ZNF224: variants seen among roughly 807,000 people sequenced by gnomAD.
The protein encoded by ZNF224 is zinc finger protein 224.
ZNF224 carries 8 observed loss-of-function variants against 10.5 expected under a neutral mutation model. The ratio of observed to expected loss-of-function variants is 0.76; its 90% confidence interval spans 0.45 to 1.37. ZNF224 has a LOEUF of 1.37. ZNF224 is among the 40% of genes most tolerant of loss of function. The pLI is 0.00. For synonymous variants in ZNF224, 282 were observed against 287.8 expected (o/e 0.98, Z 0.20); for missense variants, 754 against 854.0 (o/e 0.88, Z 1.46).
rs183116442 is a variant in ZNF224, at chr19:44,107,626, G to A, written c.1466G>A (p.Cys489Tyr). Residue 489 changes from cysteine (C) to tyrosine (Y), a missense_variant, in exon 6 of 6, where the codon TGT becomes TAT. By Grantham distance (194) the Cys-to-Tyr change is radical. Coordinates refer to ENST00000693561, the MANE Select transcript of ZNF224 (RefSeq NM_001321645.3). Reference sequence around the variant, plus strand: ...GAAAAACCATTCCAATGTGAAGAGTGTGGGAAGAGATTTACTCAAAATTCA... The same window carrying A: ...GAAAAACCATTCCAATGTGAAGAGTATGGGAAGAGATTTACTCAAAATTCA... ...SGEKPFQCEE[C>Y]GKRFTQNSHL... 9 of 1,613,962 alleles carry A rather than the reference G, an allele frequency of 5.6e-6. No homozygotes were observed. Among genetic ancestry groups the A allele is most frequent in the East Asian group, 4.5e-5 (2 of 44,902 alleles).
intron 3 of ZNF224, among the ~76,000 whole-genome samples, chr19:44,098,299 A>G (rs1967482021): frequency 6.6e-6 from 1 of 152,190 alleles, no homozygotes; most frequent in African/African-American, 2.4e-5. Context: ...CATTTAATCG[A>G]TGTTCCTTTT....
intron 5 of ZNF224, among the ~76,000 whole-genome samples, chr19:44,104,722 C>A (rs577304834): frequency 6.6e-6 from 1 of 151,604 alleles, no homozygotes; most frequent in African/African-American, 2.4e-5. Flanking sequence ...AGTGCAGTGG[C>A]GCAATCTCAG....
intron 2 of ZNF224, among the ~76,000 whole-genome samples, chr19:44,097,390 C>T (rs1272709783): frequency 6.6e-6 from 1 of 152,176 alleles, no homozygotes; most frequent in Non-Finnish European, 1.5e-5. Flanking sequence ...TGATTTCCTC[C>T]TGCCTACTTA....
Position 44,106,880 on chromosome 19 carries a change from C to T in ZNF224, c.720C>T (p.Gly240=), listed in dbSNP as rs564513130. The change falls in exon 6 of 6, where the codon GGC becomes GGT. Residue 240 remains glycine (G), a synonymous_variant. Transcript: ENST00000693561. ...KPFKCVECGK[G]FSRRSALNVH... is the part of the protein sequence containing the mutation. Reference sequence around the variant, plus strand: ...TCAAATGTGTGGAATGTGGGAAAGGCTTCAGTCGTAGATCAGCACTTAATG... The same window carrying T: ...TCAAATGTGTGGAATGTGGGAAAGGTTTCAGTCGTAGATCAGCACTTAATG... 3 of 1,610,012 alleles carry T rather than the reference C, an allele frequency of 1.9e-6. No individual in the cohort carries two copies. In the Admixed American group the frequency reaches 5.0e-5, roughly 27 times the overall value.
rs1350401900 is a variant in ZNF224, at chr19:44,106,641, T to G, written c.481T>G (p.Ser161Ala). ...NGYKPSFSDV[S>A]HFDFHQQLHS... ...ATATAAACCATCCTTCAGTGATGTC[T>G]CCCACTTTGATTTTCATCAACAATT... Residue 161 changes from serine (S) to alanine (A), a missense_variant, in exon 6 of 6, where the codon TCC (serine) becomes GCC (alanine). Transcript: ENST00000693561. 3.1e-6 allele frequency: 5 copies of G among 1,595,800 alleles called. No individual in the cohort carries two copies. Among genetic ancestry groups the G allele is most frequent in the Middle Eastern group, 1.7e-4 (1 of 5,986 alleles).
intron 2 of ZNF224, among the ~76,000 whole-genome samples, chr19:44,097,384 T>C (rs10410306): frequency 0.75 from 113,619 of 152,106 alleles, 43,824 homozygotes; most frequent in Non-Finnish European, 0.87. Flanking sequence ...TCATATTGAT[T>C]TCCTCCTGCC....
chr19:44,106,032 G>A, intron 5 of ZNF224: 1 of 205,920 alleles, frequency 4.9e-6, no homozygotes, highest in South Asian at 8.4e-5. Flanking sequence ...GTAGATAGTA[G>A]TGGGATTGCT....
In ZNF224 at chr19:44,108,413, T is replaced by C. The variant is rs562997699; in HGVS notation, c.*129T>C. On this transcript the variant is annotated 3_prime_UTR_variant, in exon 6 of 6. Transcript: ENST00000693561. The stretch of plus-strand genomic sequence containing the variant: ...CACTTCCCTTTGAGTATTTTATCTC[T>C]GAATCCATGCTGGTGATAAATTTCA... 2.6e-5 allele frequency: 25 copies of C among 958,748 alleles called. No homozygotes were observed. In the African/African-American group the frequency reaches 3.8e-4, roughly 14 times the overall value. The allele number at this position is 958,748 out of a possible 1,614,324, so 59.4% of individuals were successfully genotyped here. A position where few individuals can be genotyped will look rare whatever the true frequency, so the allele number is the denominator to read the frequency against.
intron 5 of ZNF224, among the ~76,000 whole-genome samples, chr19:44,104,369 T>C (rs1404156329): frequency 2.0e-5 from 3 of 152,228 alleles, no homozygotes; most frequent in African/African-American, 4.8e-5. Context: ...AGAAGATCGC[T>C]CTCACTTCAC....
At chr19:44,101,027 TG>T in intron 4 of ZNF224, 100 bp downstream of exon 4, 1 of 1,604,668 alleles carries the variant, frequency 6.2e-7, no homozygotes, top group Non-Finnish European at 8.5e-7. Context: ...CTTGAACCTA[TG>T]GTTCAAGTTT....
In ZNF224 at chr19:44,101,218, G is replaced by A; in HGVS notation, c.228G>A (p.Gly76=). 1 of 1,613,950 alleles carries A rather than the reference G, an allele frequency of 6.2e-7. No individual in the cohort carries two copies. The highest frequency in any genetic ancestry group is 1.1e-5 in the South Asian group (1 of 91,054). The change falls in exon 5 of 6, where the codon GGG becomes GGA. Residue 76 remains glycine, a synonymous_variant. Transcript: ENST00000693561. ...TGAAGACAGCAATCCAAAGGGAAGG[G>A]AATTCAGGTAAGAATCAAGCAACTG... ...WMMKTAIQRE[G]NSGDKIQTEM...
Position 44,106,942 on chromosome 19 carries a change from A to C in ZNF224, c.782A>C (p.Asn261Thr). ...HKLHTGEKPY[N>T]CEECGKAFIH... ...TTACACACAGGAGAGAAACCTTATA[A>C]TTGTGAGGAATGCGGGAAGGCCTTC... The change falls in exon 6 of 6, where the codon AAT becomes ACT. Residue 261 changes from asparagine to threonine, a missense_variant. Coordinates refer to ENST00000693561, the MANE Select transcript of ZNF224 (RefSeq NM_001321645.3). 1 of 1,609,800 alleles carries C rather than the reference A, an allele frequency of 6.2e-7. No individual in the cohort carries two copies. Among genetic ancestry groups the C allele is most frequent in the South Asian group, 1.1e-5 (1 of 90,586 alleles).
rs1326888243 is a variant in ZNF224, at chr19:44,106,729, C to G, written c.569C>G (p.Ala190Gly). The G allele has an allele frequency of 6.2e-7, 1 of 1,609,256 alleles. No individual in the cohort carries two copies. Among genetic ancestry groups the G allele is most frequent in the East Asian group, 2.2e-5 (1 of 44,886 alleles). The change falls in exon 6 of 6, where the codon GCC (alanine) becomes GGC (glycine). Residue 190 changes from alanine (A) to glycine (G), a missense_variant. Ala to Gly is a moderately conservative substitution (Grantham distance 60, BLOSUM62 0). Transcript: ENST00000693561. ...GGAAAGAACTTTTGTTACATCTCAGCCCTTCGTATTCATCAGAGAGTCCAC... is the reference window on the plus strand; with the variant it reads ...GGAAAGAACTTTTGTTACATCTCAGGCCTTCGTATTCATCAGAGAGTCCAC... Reference protein sequence around the residue: ...ECGKNFCYISALRIHQRVHMG... With the variant: ...ECGKNFCYISGLRIHQRVHMG...
intron 3 of ZNF224, 74 bp from the exon 4 acceptor site, chr19:44,100,727 T>G: frequency 1.3e-6 from 2 of 1,513,392 alleles, no homozygotes; most frequent in Non-Finnish European, 1.8e-6. Context: ...CCCTCCCCTC[T>G]GTCTGCTCAG....
chr19:44,096,774 C>A (rs913703432), intron 2 of ZNF224, among the ~76,000 whole-genome samples: 2 of 152,082 alleles, frequency 1.3e-5, no homozygotes, highest in African/African-American at 4.8e-5. Flanking sequence ...GATTCTACAC[C>A]CTTTGTCTTT....
At chr19:44,101,053 A>T (rs1967539990) in intron 4 of ZNF224, 80 bp from the exon 5 acceptor site, 2 of 1,610,704 alleles carry the variant, frequency 1.2e-6, no homozygotes, top group Non-Finnish European at 1.7e-6. Flanking sequence ...GTGCAGTAAG[A>T]ACCTAAATTT....
intron 3 of ZNF224, among the ~76,000 whole-genome samples, chr19:44,098,312 A>G (rs1453497504): frequency 1.3e-5 from 2 of 152,036 alleles, no homozygotes; most frequent in East Asian, 1.9e-4. Context: ...TTCCTTTTTA[A>G]TTACTTTATA....
At position 44,108,388 on chromosome 19, in the gene ZNF224, C is replaced by T; in HGVS notation, c.*104C>T. ...ATTAAAATATGAGGCACATAGTAAG[C>T]ACTTCCCTTTGAGTATTTTATCTCT... On this transcript the variant is annotated 3_prime_UTR_variant, in exon 6 of 6. Coordinates refer to ENST00000693561, the MANE Select transcript of ZNF224 (RefSeq NM_001321645.3). 8.4e-7 allele frequency: 1 copy of T among 1,188,334 alleles called. No homozygotes were observed. Among genetic ancestry groups the T allele is most frequent in the Non-Finnish European group, 1.2e-6 (1 of 859,394 alleles). The allele number at this position is 1,188,334 out of a possible 1,614,324, so 73.6% of individuals were successfully genotyped here. A position where few individuals can be genotyped will look rare whatever the true frequency, so the allele number is the denominator to read the frequency against.
rs1294921124 is a variant in ZNF224, at chr19:44,106,707, A to G, written c.547A>G (p.Lys183Glu). The G allele has an allele frequency of 2.5e-6, 4 of 1,605,730 alleles. No individual in the cohort carries two copies. The highest frequency in any genetic ancestry group is 3.4e-6 in the Non-Finnish European group (4 of 1,175,516). ...EKSHTCDECGKNFCYISALRI... is the reference protein window; with the variant it reads ...EKSHTCDECGENFCYISALRI... ...ATCTCATACGTGTGATGAGTGTGGA[A>G]AGAACTTTTGTTACATCTCAGCCCT... Residue 183 changes from lysine to glutamate, a missense_variant, in exon 6 of 6, where the codon AAG becomes GAG. Transcript: ENST00000693561.
Sources: allele counts gnomAD v4.1 joint callset (sites outside exome capture counted in the v4.1 genomes callset), GRCh38; gene constraint gnomAD v4.1.1; transcripts MANE v1.5; gene names NCBI Gene and HGNC (gene_info 2026-07-23, HGNC 2026-07-21).